DCDC2B: variants seen among roughly 807,000 people sequenced by gnomAD.
DCDC2B encodes the protein doublecortin domain-containing protein 2B.
In DCDC2B, 41 loss-of-function variants were observed where a neutral mutation model predicts 38.9. That is an observed-to-expected ratio of 1.05 (90% CI 0.82 to 1.37). The LOEUF (loss-of-function observed/expected upper bound fraction) is 1.37, where lower values mean the gene tolerates loss of function less well. Among genes scored for constraint, DCDC2B ranks in the 40% most tolerant of loss-of-function variants. DCDC2B has a pLI of 0.00. For synonymous variants in DCDC2B, 181 were observed against 171.9 expected, an observed-to-expected ratio of 1.05 and a Z score of -0.41; for missense variants, 453 against 427.2, an observed-to-expected ratio of 1.06 and a Z score of -0.53.
Position 32,212,795 on chromosome 1 carries a change from T to G in DCDC2B, c.714+2T>G, listed in dbSNP as rs1179061824. On this transcript the variant is annotated splice_donor_variant, in intron 6 of 8. Coordinates refer to ENST00000409358, the MANE Select transcript of DCDC2B (RefSeq NM_001099434.2). LOFTEE classifies it high-confidence loss of function. ...AAGTCTAGGCCCCACAGGCAGGGGG[T>G]AGGTGACGCAGGGGACAATGAGGGG... 1 of 1,613,064 alleles carries G rather than the reference T, an allele frequency of 6.2e-7. No homozygotes were observed. The highest frequency in any genetic ancestry group is 8.5e-7 in the Non-Finnish European group (1 of 1,179,774).
chr1:32,213,336 ATTTT>A (rs923909070), intron 6 of DCDC2B, among the ~76,000 whole-genome samples: 8 of 138,434 alleles, frequency 5.8e-5, no homozygotes, highest in African/African-American at 1.9e-4. Flanking sequence ...CCTCTTAATA[ATTTT>A]TTTTTTTTTT....
In DCDC2B at chr1:32,215,640, T is replaced by A. The variant is rs868789964; in HGVS notation, c.954+97T>A. 79 of 1,207,704 alleles carry A rather than the reference T, an allele frequency of 6.5e-5. 2 individuals carry two copies. The Middle Eastern group carries it at 6.3e-3, about 96-fold the overall frequency. 74.8% of individuals were successfully genotyped at this position (1,207,704 alleles called of 1,614,324 possible). On this transcript the variant is annotated intron_variant, in intron 8 of 8. Transcript: ENST00000409358. Reference sequence around the variant, plus strand: ...CCCCAGGAACAGTTCTCCTCCCTTGTGATTGAAAGTAAATGATCTCCTAAC... The same window carrying A: ...CCCCAGGAACAGTTCTCCTCCCTTGAGATTGAAAGTAAATGATCTCCTAAC...
At chr1:32,210,452 C>T (rs1212428272) in intron 1 of DCDC2B, among the ~76,000 whole-genome samples, 2 of 150,696 alleles carry the variant, frequency 1.3e-5, no homozygotes, top group Non-Finnish European at 2.9e-5. Flanking sequence ...GAGCTGAGAT[C>T]GCACAACTGC....
rs544470476 is a variant in DCDC2B, at chr1:32,212,386, G to A, written c.528-104G>A. ...GCAGGGTAGAGCCTGGGTGCCTAGAGGCCAGAGGGCACCTTGGAATAGCTG... is the reference window on the plus strand; with the variant it reads ...GCAGGGTAGAGCCTGGGTGCCTAGAAGCCAGAGGGCACCTTGGAATAGCTG... On this transcript the variant is annotated intron_variant, in intron 4 of 8. Coordinates refer to ENST00000409358, the MANE Select transcript of DCDC2B (RefSeq NM_001099434.2). The A allele has an allele frequency of 7.7e-5, 119 of 1,548,450 alleles. 1 individual carries two copies. Among genetic ancestry groups the A allele is most frequent in the South Asian group, 3.2e-4 (26 of 82,362 alleles).
chr1:32,213,731 C>T (rs1344167712), intron 6 of DCDC2B, among the ~76,000 whole-genome samples: 7 of 150,798 alleles, frequency 4.6e-5, no homozygotes, highest in Admixed American at 1.3e-4. Context: ...AGGATGGTCT[C>T]GATCTCCTGA....
Position 32,209,366 on chromosome 1 carries a change from G to C in DCDC2B, c.266+7G>C. On this transcript the variant is annotated splice_region_variant and intron_variant, in intron 1 of 8. Transcript: ENST00000409358. ...AACGATTCCACAAGCTCCAGTGAGTGGGCTGGGGCTGGTCAAACAGCCTAG... is the reference window on the plus strand; with the variant it reads ...AACGATTCCACAAGCTCCAGTGAGTCGGCTGGGGCTGGTCAAACAGCCTAG... 6.2e-7 allele frequency: 1 copy of C among 1,612,838 alleles called. No homozygotes were observed. The highest frequency in any genetic ancestry group is 1.1e-5 in the South Asian group (1 of 91,058).
At chr1:32,212,311 G>A (rs954442540) in intron 4 of DCDC2B, 110 bp downstream of exon 4, 31 of 1,553,490 alleles carry the variant, frequency 2.0e-5, no homozygotes, top group Admixed American at 1.1e-4. Flanking sequence ...CCCCCACATG[G>A]GACTTCCCCC....
chr1:32,212,899 C>G, intron 6 of DCDC2B, 106 bp downstream of exon 6: 1 of 1,366,692 alleles, frequency 7.3e-7, no homozygotes, highest in Non-Finnish European at 1.0e-6. Context: ...TCTCTTTTTT[C>G]TTTTTCTTTG....
chr1:32,215,786 C>T lies in DCDC2B; in HGVS notation c.955-16C>T, dbSNP rs1415907874. The T allele has an allele frequency of 1.6e-5, 25 of 1,543,920 alleles. No individual in the cohort carries two copies. The South Asian group carries it at 2.4e-4, about 15-fold the overall frequency. ...TACTCACGGCTCCATTCTGTATGGC[C>T]TTCCACCTCCTGCAGAGGGCAGCAC... On this transcript the variant is annotated splice_polypyrimidine_tract_variant and intron_variant, in intron 8 of 8. Transcript: ENST00000409358.
chr1:32,212,580 G>A lies in DCDC2B; in HGVS notation c.618G>A (p.Lys206=), dbSNP rs765924347. ...YYVAVGEDEF[K]DLPYLELLVP... is the part of the protein sequence containing the mutation. ...TGGCTGTCGGAGAGGATGAGTTCAAGGACCTTCCCTATCTGGAGCTGCTGG... is the reference window on the plus strand; with the variant it reads ...TGGCTGTCGGAGAGGATGAGTTCAAAGACCTTCCCTATCTGGAGCTGCTGG... The change falls in exon 5 of 9, where the codon AAG becomes AAA. Residue 206 remains lysine, a synonymous_variant. Transcript: ENST00000409358. 284 of 1,614,056 alleles carry A rather than the reference G, an allele frequency of 1.8e-4. 2 individuals are homozygous for A. The South Asian group carries it at 2.6e-3, about 15-fold the overall frequency.
At chr1:32,209,423 G>T in intron 1 of DCDC2B, 64 bp downstream of exon 1, 2 of 1,577,722 alleles carry the variant, frequency 1.3e-6, no homozygotes, top group South Asian at 2.3e-5. Flanking sequence ...CGTGTATTCA[G>T]TACCTACCAT....
chr1:32,212,200 A>G lies in DCDC2B; in HGVS notation c.526A>G (p.Lys176Glu), dbSNP rs1038583947. Residue 176 changes from lysine to glutamate, a missense_variant and splice_region_variant, in exon 4 of 9, where the codon AAA (lysine) becomes GAA (glutamate). Lys to Glu is a moderately conservative substitution (Grantham distance 56). Coordinates refer to ENST00000409358, the MANE Select transcript of DCDC2B (RefSeq NM_001099434.2). ...KVKLQSGAVC[K>E]LCTLEGLPLS... ...CAAGTTGCAGAGTGGGGCTGTGTGCAAGTGAGTATGGGGACTGCGAGGGCC... is the reference window on the plus strand; with the variant it reads ...CAAGTTGCAGAGTGGGGCTGTGTGCGAGTGAGTATGGGGACTGCGAGGGCC... 5.0e-6 allele frequency: 8 copies of G among 1,612,836 alleles called. No individual in the cohort carries two copies. The Admixed American group carries it at 5.0e-5, about 10-fold the overall frequency.
chr1:32,211,455 A>ACTAT (rs1643580449), intron 2 of DCDC2B, 132 bp downstream of exon 2: 9 of 909,436 alleles, frequency 9.9e-6, no homozygotes, highest in Non-Finnish European at 1.3e-5. Flanking sequence ...GGAGCCAGCT[A>ACTAT]CTATCTTTCC....
intron 1 of DCDC2B, among the ~76,000 whole-genome samples, chr1:32,210,069 T>C (rs1032236080): frequency 6.6e-6 from 1 of 152,140 alleles, no homozygotes; most frequent in African/African-American, 2.4e-5. Context: ...GGCTCACACC[T>C]GTAATCCCGG....
chr1:32,212,535 G>A lies in DCDC2B; in HGVS notation c.573G>A (p.Leu191=), dbSNP rs772175154. 6.2e-6 allele frequency: 10 copies of A among 1,613,912 alleles called. No individual in the cohort carries two copies. Among genetic ancestry groups the A allele is most frequent in the Admixed American group, 5.0e-5 (3 of 60,010 alleles). Residue 191 remains leucine (L), a synonymous_variant, in exon 5 of 9, where the codon CTG becomes CTA. Transcript: ENST00000409358. ...TCCCACTGTCAGCAGGGAAGGAGCT[G>A]GTAACTGGCCATTACTATGTGGCTG... The part of the protein sequence containing the change: ...EGLPLSAGKE[L]VTGHYYVAVG...
chr1:32,215,261 T>G, intron 7 of DCDC2B, 179 bp from the exon 8 acceptor site: 1 of 615,490 alleles, frequency 1.6e-6, no homozygotes, highest in South Asian at 2.1e-5. Context: ...AGGGGTGGGA[T>G]ATAGAGGGGA....
Position 32,215,847 on chromosome 1 carries a change from C to A in DCDC2B, c.1000C>A (p.Pro334Thr), listed in dbSNP as rs1557537037. 3.9e-6 allele frequency: 6 copies of A among 1,553,096 alleles called. No individual in the cohort carries two copies. Among genetic ancestry groups the A allele is most frequent in the Non-Finnish European group, 5.2e-6 (6 of 1,147,922 alleles). Reference protein sequence around the residue: ...VEEALSLENQPGAGAAISASA... With the variant: ...VEEALSLENQTGAGAAISASA... ...AGAGGCCTTGTCCCTGGAAAACCAG[C>A]CTGGGGCTGGGGCTGCTATCTCAGC... The change falls in exon 9 of 9, where the codon CCT becomes ACT. Residue 334 changes from proline to threonine, a missense_variant. By Grantham distance (38) the Pro-to-Thr change is conservative. Coordinates refer to ENST00000409358, the MANE Select transcript of DCDC2B (RefSeq NM_001099434.2).
In DCDC2B at chr1:32,211,278, A is replaced by C. The variant is rs1001210066; in HGVS notation, c.273A>C (p.Leu91Phe). The C allele has an allele frequency of 1.2e-6, 2 of 1,613,716 alleles. No homozygotes were observed. The highest frequency in any genetic ancestry group is 1.7e-6 in the Non-Finnish European group (2 of 1,179,802). ...GATCTATCTGTCCTTTCAGCTATTT[A>C]CCCCATAGAGGGAAGGACCCAGGTG... is the stretch of plus-strand genomic sequence containing the variant. Reference protein sequence around the residue: ...GFERFHKLHYLPHRGKDPGGK... With the variant: ...GFERFHKLHYFPHRGKDPGGK... Residue 91 changes from leucine to phenylalanine, a missense_variant, in exon 2 of 9, where the codon TTA becomes TTC. By Grantham distance (22) the Leu-to-Phe change is conservative (BLOSUM62 0). Coordinates refer to ENST00000409358, the MANE Select transcript of DCDC2B (RefSeq NM_001099434.2).
At chr1:32,210,081 A>C (rs958089928) in intron 1 of DCDC2B, among the ~76,000 whole-genome samples, 1 of 152,140 alleles carries the variant, frequency 6.6e-6, no homozygotes, top group Non-Finnish European at 1.5e-5. Flanking sequence ...TAATCCCGGC[A>C]CTTTGGAAGG....
Sources: allele counts gnomAD v4.1 joint callset (sites outside exome capture counted in the v4.1 genomes callset), GRCh38; gene constraint gnomAD v4.1.1; transcripts MANE v1.5; gene names NCBI Gene and HGNC (gene_info 2026-07-23, HGNC 2026-07-21).